Variants in AHCTF1 observed in about 807,000 individuals in gnomAD.
The protein encoded by AHCTF1 is AT-hook containing transcription factor 1.
Under a neutral mutation model 248.4 loss-of-function variants are expected in AHCTF1, and 24 were observed. The observed-to-expected ratio is 0.10, with a 90% confidence interval of 0.07 to 0.14. The LOEUF is 0.14. AHCTF1 is among the 10% of genes least tolerant of loss of function. AHCTF1 has a pLI of 1.00. For missense variants in AHCTF1, 2,206 were observed against 2,636.2 expected (o/e 0.84, Z 3.57); for synonymous variants, 786 against 929.8 (o/e 0.85, Z 2.81).
chr1:246,909,079 A>ATATCTATC (rs10657928), intron 4 of AHCTF1, among the ~76,000 whole-genome samples: 19,512 of 143,164 alleles, frequency 0.14, 1,384 homozygotes, highest in South Asian at 0.19. Flanking sequence ...ATATATATCT[A>ATATCTATC]TATCTATCTA....
intron 16 of AHCTF1, among the ~76,000 whole-genome samples, chr1:246,890,659 C>A (rs966559553): frequency 6.6e-6 from 1 of 152,080 alleles, no homozygotes; most frequent in African/African-American, 2.4e-5. Flanking sequence ...TTCTATGGAT[C>A]TAAATAATAG....
chr1:246,883,299 C>T (rs1663588115), intron 21 of AHCTF1, among the ~76,000 whole-genome samples: 1 of 152,184 alleles, frequency 6.6e-6, no homozygotes, highest in African/African-American at 2.4e-5. Flanking sequence ...CAAATGTAAC[C>T]TCTATCCATG....
chr1:246,841,213 C>T (rs1044053578), intron 35 of AHCTF1, among the ~76,000 whole-genome samples: 2 of 152,088 alleles, frequency 1.3e-5, no homozygotes, highest in Non-Finnish European at 2.9e-5. Context: ...TTTTCATTTT[C>T]GATCAGAATA....
chr1:246,852,494 TA>T (rs577654282), intron 32 of AHCTF1, among the ~76,000 whole-genome samples: 4 of 151,988 alleles, frequency 2.6e-5, no homozygotes, highest in African/African-American at 4.8e-5. Flanking sequence ...ATTTTTTTTT[TA>T]AAAAAACTAA....
Position 246,881,384 on chromosome 1 carries a change from G to GA in AHCTF1, c.2661-4083dup, listed in dbSNP as rs555433291. ...CTTAGTAACTTACAAAACAGACTAG[G>GA]AAAAAAAATTATTCAGGACACAGAA... On this transcript the variant is annotated intron_variant, in intron 21 of 35. Coordinates refer to ENST00000648844, the MANE Select transcript of AHCTF1 (RefSeq NM_001323342.2). Among the ~76,000 whole-genome samples the GA allele has an allele frequency of 1.0e-3, 154 of 151,902 alleles. 1 individual carries two copies. Among genetic ancestry groups the GA allele is most frequent in the Non-Finnish European group, 2.0e-3 (135 of 67,956 alleles).
chr1:246,858,881 A>C (rs979701195), intron 29 of AHCTF1, among the ~76,000 whole-genome samples: 1 of 152,186 alleles, frequency 6.6e-6, no homozygotes, highest in Non-Finnish European at 1.5e-5. Flanking sequence ...AATGCTATGA[A>C]CATTCTTTTA....
At chr1:246,900,017 C>A in intron 10 of AHCTF1, 48 bp downstream of exon 10, 4 of 1,519,286 alleles carry the variant, frequency 2.6e-6, no homozygotes, top group Non-Finnish European at 3.6e-6. Context: ...CATTTACATA[C>A]TTTTGTGCAT....
intron 35 of AHCTF1, among the ~76,000 whole-genome samples, chr1:246,842,218 T>C (rs539917470): frequency 6.6e-6 from 1 of 152,272 alleles, no homozygotes; most frequent in African/African-American, 2.4e-5. Flanking sequence ...TCTTTTCTGA[T>C]GAGCTTAATT....
intron 1 of AHCTF1, among the ~76,000 whole-genome samples, chr1:246,925,142 A>C (rs1666842561): frequency 6.6e-6 from 1 of 152,220 alleles, no homozygotes; most frequent in South Asian, 2.1e-4. Flanking sequence ...CTAAACTTAA[A>C]ACCAAAGTAA....
chr1:246,913,168 T>TA, intron 4 of AHCTF1, 64 bp downstream of exon 4: 1 of 1,415,478 alleles, frequency 7.1e-7, no homozygotes, highest in Non-Finnish European at 9.3e-7. Context: ...TTGGCTACTT[T>TA]AAAAAATATT....
intron 29 of AHCTF1, among the ~76,000 whole-genome samples, chr1:246,859,182 C>T (rs1227420744): frequency 6.6e-6 from 1 of 152,146 alleles, no homozygotes; most frequent in African/African-American, 2.4e-5. Context: ...TATCGTAGTC[C>T]AAACTTCAGT....
At chr1:246,883,055 C>T (rs1403711577) in intron 21 of AHCTF1, among the ~76,000 whole-genome samples, 3 of 152,126 alleles carry the variant, frequency 2.0e-5, no homozygotes, top group Admixed American at 6.5e-5. Context: ...TGTAAGGGTG[C>T]AAATTAATAA....
chr1:246,887,095 T>TC lies in AHCTF1; in HGVS notation c.2472+115dup. The TC allele has an allele frequency of 1.1e-5, 13 of 1,194,740 alleles. No homozygotes were observed. In the South Asian group the frequency reaches 1.7e-4, roughly 16 times the overall value. 74.0% of individuals were successfully genotyped at this position (1,194,740 alleles called of 1,614,324 possible). ...AAAGGTACTGATTAAACTGGGTCCTTCCTCAACTATTTTTAGTAGACTGTA... is the reference window on the plus strand; with the variant it reads ...AAAGGTACTGATTAAACTGGGTCCTTCCCTCAACTATTTTTAGTAGACTGTA... On this transcript the variant is annotated intron_variant, in intron 20 of 35. Transcript: ENST00000648844.
rs746741909 is a variant in AHCTF1 at position 246,903,092 on chromosome 1, G to A, written c.967-417C>T. On this transcript the variant is annotated intron_variant, in intron 7 of 35. Transcript: ENST00000648844. Reference sequence around the variant, plus strand: ...ATCTGACAAAAGGCTATGAGACTTCGCCCATAAAAATGCAACACATAATTC... The same window carrying A: ...ATCTGACAAAAGGCTATGAGACTTCACCCATAAAAATGCAACACATAATTC... 1.1e-4 allele frequency among the ~76,000 whole-genome samples: 17 copies of A among 152,208 alleles called. No individual in the cohort carries two copies. The Middle Eastern group carries it at 0.014, about 122-fold the overall frequency.
chr1:246,914,793 C>G (rs969730546), intron 3 of AHCTF1, among the ~76,000 whole-genome samples: 15 of 152,156 alleles, frequency 9.9e-5, no homozygotes, highest in African/African-American at 3.6e-4. Flanking sequence ...ATGCATTCAA[C>G]TGAGCAACCA....
chr1:246,899,694 A>G (rs1664858907), intron 10 of AHCTF1, among the ~76,000 whole-genome samples, 182 bp from the exon 11 acceptor site: 1 of 152,146 alleles, frequency 6.6e-6, no homozygotes, highest in Non-Finnish European at 1.5e-5. Context: ...TTACACAGCA[A>G]AACAAGAAAA....
At chr1:246,869,103 C>G (rs1028492505) in intron 24 of AHCTF1, among the ~76,000 whole-genome samples, 2 of 151,048 alleles carry the variant, frequency 1.3e-5, no homozygotes, top group Admixed American at 1.3e-4. Flanking sequence ...CTTGGCCTCC[C>G]AAAGTGCTGG....
chr1:246,908,345 G>A (rs1572450914), intron 4 of AHCTF1, among the ~76,000 whole-genome samples: 1 of 150,722 alleles, frequency 6.6e-6, no homozygotes, highest in African/African-American at 2.4e-5. Flanking sequence ...AAAAAGAGGG[G>A]TGGGGCAAGG....
chr1:246,897,222 A>C (rs1664644226), intron 12 of AHCTF1, among the ~76,000 whole-genome samples: 1 of 152,174 alleles, frequency 6.6e-6, no homozygotes, highest in Non-Finnish European at 1.5e-5. Flanking sequence ...CTGAGGCAGG[A>C]GAATCACCTG....
Sources: gnomAD v4.1 joint callset for allele counts (sites outside exome capture counted in the v4.1 genomes callset) on GRCh38, gnomAD v4.1.1 for gene constraint, MANE v1.5 for transcripts, NCBI Gene and HGNC (gene_info 2026-07-23, HGNC 2026-07-21) for gene names.